MAPK10: variants seen among roughly 807,000 people sequenced by gnomAD.
MAPK10 encodes the protein mitogen-activated protein kinase 10, also known as JNK3 alpha protein kinase.
In MAPK10, 25 loss-of-function variants were observed where a neutral mutation model predicts 59.3. The ratio of observed to expected loss-of-function variants is 0.42; its 90% confidence interval spans 0.31 to 0.59. The LOEUF (loss-of-function observed/expected upper bound fraction) is 0.59, where lower values mean the gene tolerates loss of function less well. Ranked by LOEUF, MAPK10 falls within the 20% of genes least tolerant of loss-of-function variation. The probability of loss-of-function intolerance (pLI) is 0.15; values close to 1 mark genes in which losing one functional copy is unlikely to be tolerated. For missense variants in MAPK10, 351 were observed against 568.9 expected (o/e 0.62, Z 3.90); for synonymous variants, 190 against 200.5 (o/e 0.95, Z 0.44).
chr4:86,369,276 T>G (rs920188968), intron 1 of MAPK10, among the ~76,000 whole-genome samples: 1 of 152,150 alleles, frequency 6.6e-6, no homozygotes, highest in Admixed American at 6.6e-5. Flanking sequence ...TAAATTAAAA[T>G]AAAAGTTTAA....
intron 1 of MAPK10, among the ~76,000 whole-genome samples, chr4:86,452,562 AGTTT>A (rs1446687089): frequency 2.0e-5 from 3 of 152,068 alleles, no homozygotes; most frequent in Non-Finnish European, 2.9e-5. Flanking sequence ...AGCTTCTTTC[AGTTT>A]GTTTCTGATA....
At chr4:86,327,799 A>AAAAAAAAAAAAAAAAAC (rs2096061891) in intron 2 of MAPK10, 1 of 147,992 alleles carries the variant, frequency 6.8e-6, no homozygotes, top group Non-Finnish European at 1.5e-5. Context: ...AAAAAAAAAA[A>AAAAAAAAAAAAAAAAAC]AAAAGCTGGG....
chr4:86,500,666 A>G lies in MAPK10; in HGVS notation c.-263+93244T>C, dbSNP rs114604060. Among the ~76,000 whole-genome samples the G allele has an allele frequency of 3.9e-3, 596 of 152,210 alleles. 3 individuals are homozygous for G. The highest frequency in any genetic ancestry group is 0.014 in the African/African-American group (565 of 41,544). ...TCTATATATGTTTCCCCATAAAAGG[A>G]TAATAATACTAACCTTTCCTCCAGT... On this transcript the variant is annotated intron_variant, in intron 1 of 4. Transcript: ENST00000502302.
intron 1 of MAPK10, among the ~76,000 whole-genome samples, chr4:86,539,618 A>G (rs1395666242): frequency 6.6e-6 from 1 of 152,210 alleles, no homozygotes; most frequent in Non-Finnish European, 1.5e-5. Flanking sequence ...TGAGGGCTGC[A>G]AGAGGCTAAG....
intron 13 of MAPK10, among the ~76,000 whole-genome samples, chr4:86,023,659 T>G (rs1013814432): frequency 2.6e-5 from 4 of 151,902 alleles, no homozygotes; most frequent in African/African-American, 9.7e-5. Context: ...CTTCTTTTGC[T>G]AACTTTATTC....
At chr4:86,440,864 C>T (rs1304854609) in intron 1 of MAPK10, among the ~76,000 whole-genome samples, 1 of 152,116 alleles carries the variant, frequency 6.6e-6, no homozygotes, top group Non-Finnish European at 1.5e-5. Flanking sequence ...GAAATATTTA[C>T]ACAGAGTAAC....
intron 2 of MAPK10, among the ~76,000 whole-genome samples, chr4:86,249,988 G>T (rs1459724176): frequency 6.6e-6 from 1 of 152,102 alleles, no homozygotes; most frequent in South Asian, 2.1e-4. Flanking sequence ...TGTCTAAAAA[G>T]GGGGGAAATC....
chr4:86,578,127 A>G (rs1762031137), intron 1 of MAPK10, among the ~76,000 whole-genome samples: 1 of 152,088 alleles, frequency 6.6e-6, no homozygotes, highest in Admixed American at 6.5e-5. Flanking sequence ...ACTGGGGGTG[A>G]TGTTGCTCCC....
intron 13 of MAPK10, chr4:86,020,760 G>A (rs1746160713): frequency 6.5e-6 from 1 of 154,240 alleles, no homozygotes; most frequent in Admixed American, 6.5e-5. Flanking sequence ...TCCTCCCAGT[G>A]GGCTCGTGGT....
chr4:86,397,793 GA>G (rs1230088050), intron 1 of MAPK10, among the ~76,000 whole-genome samples: 1 of 141,460 alleles, frequency 7.1e-6, no homozygotes, highest in Non-Finnish European at 1.5e-5. Flanking sequence ...AGGAAAGATG[GA>G]ACTAGTTTGT....
chr4:86,228,712 C>A (rs1288208513), intron 2 of MAPK10, among the ~76,000 whole-genome samples: 1 of 152,078 alleles, frequency 6.6e-6, no homozygotes, highest in Non-Finnish European at 1.5e-5. Flanking sequence ...TGAACTTCTT[C>A]GGGAAAGAAA....
intron 3 of MAPK10, among the ~76,000 whole-genome samples, chr4:86,169,511 A>G (rs1446118145): frequency 1.1e-4 from 17 of 152,216 alleles, no homozygotes; most frequent in African/African-American, 4.1e-4. Flanking sequence ...GGAAGTTTAG[A>G]GAAAAAAGAA....
At chr4:86,031,467 T>C in intron 11 of MAPK10, 36 bp from the exon 12 acceptor site, 5 of 1,469,964 alleles carry the variant, frequency 3.4e-6, no homozygotes, top group Non-Finnish European at 4.8e-6. Context: ...CTTTGTGTGA[T>C]AATGTAAACA....
intron 1 of MAPK10, among the ~76,000 whole-genome samples, chr4:86,577,740 G>A (rs1034917725): frequency 1.8e-4 from 28 of 152,244 alleles, no homozygotes; most frequent in African/African-American, 6.0e-4. Flanking sequence ...GAGTAATTAC[G>A]TGGTTGCAAT....
intron 1 of MAPK10, among the ~76,000 whole-genome samples, chr4:86,381,994 G>C (rs1740785922): frequency 6.6e-6 from 1 of 152,124 alleles, no homozygotes; most frequent in South Asian, 2.1e-4. Flanking sequence ...TTTCTCTACA[G>C]TGGCGCTATT....
intron 4 of MAPK10, among the ~76,000 whole-genome samples, chr4:86,148,130 T>C (rs2065458345): frequency 2.0e-5 from 3 of 152,178 alleles, no homozygotes; most frequent in Non-Finnish European, 4.4e-5. Flanking sequence ...CAGATTTTAA[T>C]AGCAATAAAA....
intron 1 of MAPK10, among the ~76,000 whole-genome samples, chr4:86,415,151 A>C (rs1745704059): frequency 1.3e-5 from 2 of 148,826 alleles, no homozygotes; most frequent in South Asian, 2.1e-4. Flanking sequence ...AAAAAAAAAA[A>C]AAAAACTTCC....
At chr4:86,230,052 C>T (rs2091313509) in intron 2 of MAPK10, among the ~76,000 whole-genome samples, 1 of 152,108 alleles carries the variant, frequency 6.6e-6, no homozygotes, top group African/African-American at 2.4e-5. Context: ...CAGAGCGAGA[C>T]CTTGTCTCAA....
chr4:86,573,645 T>C (rs577107783), intron 1 of MAPK10, among the ~76,000 whole-genome samples: 3 of 152,350 alleles, frequency 2.0e-5, no homozygotes, highest in East Asian at 3.9e-4. Context: ...TATATCTTGA[T>C]TGAAATTGCA....
Sources: allele counts gnomAD v4.1 joint callset (sites outside exome capture counted in the v4.1 genomes callset), GRCh38; gene constraint gnomAD v4.1.1; transcripts MANE v1.5; gene names NCBI Gene and HGNC (gene_info 2026-07-23, HGNC 2026-07-21).